The following WNK2 variants were observed in gnomAD, a reference collection of about 807,000 sequenced individuals.
WNK2 encodes the protein WNK lysine deficient protein kinase 2, also known as serine/threonine-protein kinase WNK2.
A neutral mutation model predicts 192.1 loss-of-function variants in WNK2; 67 were observed. The observed-to-expected ratio is 0.35, with a 90% CI of 0.29 to 0.43. The LOEUF (loss-of-function observed/expected upper bound fraction) is 0.43, where lower values mean the gene tolerates loss of function less well. Among genes scored for constraint, WNK2 ranks in the 20% least tolerant of loss-of-function variants. The probability of loss-of-function intolerance (pLI) is 1.00; values close to 1 mark genes in which losing one functional copy is unlikely to be tolerated. For synonymous variants in WNK2, 1,439 were observed against 1,393.9 expected (o/e 1.03, Z -0.72); for missense variants, 2,698 against 3,089.7 (o/e 0.87, Z 3.01).
Position 93,250,782 on chromosome 9 carries a change from C to CTTT in WNK2, c.1835-2083_1835-2081dup, listed in dbSNP as rs35468086. Among the ~76,000 whole-genome samples, 304 of 118,576 alleles carry CTTT rather than the reference C, an allele frequency of 2.6e-3. 11 individuals carry two copies. Among genetic ancestry groups the CTTT allele is most frequent in the African/African-American group, 5.3e-3 (160 of 30,336 alleles). 77.8% of individuals were successfully genotyped at this position (118,576 alleles called of 152,430 possible). On this transcript the variant is annotated intron_variant, in intron 8 of 29. Transcript: ENST00000427277. ...ATTGTGTAATTAATGAACTCATTCA[C>CTTT]TTTTTTTTTTTTTTTTTTTTGAGAC... is the stretch of plus-strand genomic sequence containing the variant.
intron 5 of WNK2, among the ~76,000 whole-genome samples, 178 bp downstream of exon 5, chr9:93,235,143 TTAG>T (rs1487462695): frequency 1.8e-4 from 27 of 152,180 alleles, no homozygotes; most frequent in African/African-American, 5.8e-4. Context: ...AAACTGAGGC[TTAG>T]TAGCGGGGTG....
intron 2 of WNK2, among the ~76,000 whole-genome samples, chr9:93,199,397 C>A (rs1038197580): frequency 6.6e-6 from 1 of 152,204 alleles, no homozygotes; most frequent in Non-Finnish European, 1.5e-5. Context: ...CACCTGCTGG[C>A]GGCTGGGCTT....
chr9:93,230,980 C>T lies in WNK2; in HGVS notation c.947C>T (p.Thr316Met), dbSNP rs753795908. 26 of 1,611,574 alleles carry T rather than the reference C, an allele frequency of 1.6e-5. No homozygotes were observed. Among genetic ancestry groups the T allele is most frequent in the East Asian group, 1.3e-4 (6 of 44,710 alleles). Residue 316 changes from threonine to methionine, a missense_variant, in exon 4 of 30, where the codon ACG becomes ATG. Thr to Met is a moderately conservative substitution (Grantham distance 81, BLOSUM62 -1). Transcript: ENST00000427277. ...GGCCTGCTGTTCCTGCACACAAGGA[C>T]GCCACCCATCATCCACCGAGACCTG... ...LKGLLFLHTR[T>M]PPIIHRDLKC... is the part of the protein sequence containing the mutation.
chr9:93,250,387 G>GA (rs1842414647), intron 8 of WNK2, among the ~76,000 whole-genome samples: 1 of 152,202 alleles, frequency 6.6e-6, no homozygotes, highest in Non-Finnish European at 1.5e-5. Context: ...ATTCATACAT[G>GA]AATATGCACA....
At chr9:93,208,568 C>T (rs962059230) in intron 2 of WNK2, among the ~76,000 whole-genome samples, 18 of 140,640 alleles carry the variant, frequency 1.3e-4, no homozygotes, top group African/African-American at 2.6e-4. Flanking sequence ...GTTTTGCACA[C>T]GTGTGTATTT....
intron 2 of WNK2, among the ~76,000 whole-genome samples, chr9:93,219,513 C>T (rs760571562): frequency 1.1e-4 from 16 of 152,340 alleles, no homozygotes; most frequent in Middle Eastern, 3.4e-3. Context: ...TGGATTGTTT[C>T]CAAGTTTGTC....
intron 19 of WNK2, among the ~76,000 whole-genome samples, chr9:93,284,144 A>C (rs565562274): frequency 1.4e-4 from 22 of 152,332 alleles, no homozygotes; most frequent in African/African-American, 5.3e-4. Context: ...CAGATACTTA[A>C]GTGAGAAATA....
At chr9:93,318,834 G>A in intron 29 of WNK2, 5 of 1,402,036 alleles carry the variant, frequency 3.6e-6, no homozygotes, top group African/African-American at 2.9e-5. Context: ...CTTGGTGGGA[G>A]GGGAAGGCCC....
chr9:93,209,839 C>T (rs1834164357), intron 2 of WNK2, among the ~76,000 whole-genome samples: 1 of 152,184 alleles, frequency 6.6e-6, no homozygotes, highest in East Asian at 1.9e-4. Flanking sequence ...ATGTCATCCT[C>T]CAGGAAGCGA....
intron 7 of WNK2, among the ~76,000 whole-genome samples, chr9:93,245,365 C>T (rs908893808): frequency 2.6e-5 from 4 of 152,366 alleles, no homozygotes; most frequent in East Asian, 3.9e-4. Flanking sequence ...GACACCATCA[C>T]AAGTCCTCTG....
In WNK2 at chr9:93,308,598, G is replaced by A. The variant is rs368288697; in HGVS notation, c.6516+14G>A. 279 of 1,532,370 alleles carry A rather than the reference G, an allele frequency of 1.8e-4. 1 individual carries two copies. In the African/African-American group the frequency reaches 3.4e-3, roughly 19 times the overall value. 94.9% of individuals were successfully genotyped at this position (1,532,370 alleles called of 1,614,324 possible). A position where few individuals can be genotyped will look rare whatever the true frequency, so the allele number is the denominator to read the frequency against. On this transcript the variant is annotated intron_variant, in intron 28 of 29. Transcript: ENST00000427277. ...GAGGCGCGGGCTGTGAGTGCGGGGC[G>A]GGTGGGGCGGGTGCTCCTGGGGTGG...
chr9:93,317,762 C>A, intron 29 of WNK2, 131 bp downstream of exon 29: 1 of 1,470,336 alleles, frequency 6.8e-7, no homozygotes, highest in Non-Finnish European at 9.2e-7. Context: ...CACAGGGCAG[C>A]TGGAACACCC....
intron 2 of WNK2, among the ~76,000 whole-genome samples, chr9:93,211,173 T>G (rs1300232245): frequency 6.8e-6 from 1 of 146,332 alleles, no homozygotes; most frequent in Admixed American, 6.7e-5. Flanking sequence ...CCCTCACTCA[T>G]ACATCCACTC....
intron 7 of WNK2, among the ~76,000 whole-genome samples, chr9:93,245,773 C>T (rs1588149701): frequency 6.6e-6 from 1 of 152,242 alleles, no homozygotes; most frequent in Non-Finnish European, 1.5e-5. Context: ...TAGTGAGTCA[C>T]TTGAAATGCC....
chr9:93,249,059 G>A (rs559271675), intron 8 of WNK2, among the ~76,000 whole-genome samples: 49 of 152,282 alleles, frequency 3.2e-4, no homozygotes, highest in African/African-American at 1.2e-3. Flanking sequence ...ACTCGAACCT[G>A]CGCAGATTTG....
chr9:93,311,899 C>T (rs561615337), intron 28 of WNK2, among the ~76,000 whole-genome samples: 1,062 of 62,784 alleles, frequency 0.017, 6 homozygotes, highest in Non-Finnish European at 0.043. Flanking sequence ...GGATTACAGG[C>T]GTGAGCCACC....
At chr9:93,193,303 C>T (rs997817752) in intron 2 of WNK2, among the ~76,000 whole-genome samples, 3 of 152,194 alleles carry the variant, frequency 2.0e-5, no homozygotes, top group Non-Finnish European at 1.5e-5. Flanking sequence ...CCCTTTTGTG[C>T]AGTGTGGATG....
chr9:93,284,305 A>C (rs1227416304), intron 19 of WNK2, among the ~76,000 whole-genome samples: 1 of 152,244 alleles, frequency 6.6e-6, no homozygotes, highest in Admixed American at 6.5e-5. Flanking sequence ...GCAAAATACT[A>C]AACAAAATAG....
At chr9:93,224,374 GC>G (rs1564025203) in intron 2 of WNK2, among the ~76,000 whole-genome samples, 2 of 152,206 alleles carry the variant, frequency 1.3e-5, no homozygotes, top group African/African-American at 4.8e-5. Flanking sequence ...ATAGGAGGGG[GC>G]TGCCTGCAGA....
Sources: gnomAD v4.1 joint callset for allele counts (sites outside exome capture counted in the v4.1 genomes callset) on GRCh38, gnomAD v4.1.1 for gene constraint, MANE v1.5 for transcripts, NCBI Gene and HGNC (gene_info 2026-07-23, HGNC 2026-07-21) for gene names.